Variants in EBF2 observed in about 807,000 individuals in gnomAD.
EBF2 encodes transcription factor COE2.
EBF2 carries 21 observed loss-of-function variants against 72.8 expected under a neutral mutation model. The observed-to-expected ratio is 0.29, with a 90% CI of 0.20 to 0.42. The LOEUF is 0.42. Among genes scored for constraint, EBF2 ranks in the 10% least tolerant of loss-of-function variants. The pLI, the probability that EBF2 is intolerant of heterozygous loss-of-function variation, is 1.00. For missense variants in EBF2, 637 were observed against 731.2 expected, an observed-to-expected ratio of 0.87 and a Z score of 1.49; for synonymous variants, 299 against 274.2, an observed-to-expected ratio of 1.09 and a Z score of -0.89.
intron 1 of EBF2, among the ~76,000 whole-genome samples, chr8:26,042,833 C>T (rs1805628108): frequency 6.6e-6 from 1 of 152,078 alleles, no homozygotes; most frequent in Admixed American, 6.5e-5. Context: ...GGGAGAGTAA[C>T]ACAGAGTCCA....
chr8:25,879,774 A>G (rs191682522), intron 10 of EBF2, among the ~76,000 whole-genome samples: 2 of 152,270 alleles, frequency 1.3e-5, no homozygotes, highest in African/African-American at 2.4e-5. Flanking sequence ...ATCTGGTCCT[A>G]TGGCTTTAAA....
chr8:26,040,785 T>C (rs1805586592), intron 3 of EBF2, 114 bp from the exon 4 acceptor site: 3 of 1,484,888 alleles, frequency 2.0e-6, no homozygotes, highest in Non-Finnish European at 2.7e-6. Context: ...TGAGCCGCCC[T>C]GGAGACGGTG....
chr8:26,015,713 A>G (rs932373941), intron 6 of EBF2, among the ~76,000 whole-genome samples: 2 of 152,220 alleles, frequency 1.3e-5, no homozygotes, highest in Admixed American at 1.3e-4. Context: ...CTGGTCTATA[A>G]TGAAGGTTGC....
At chr8:25,964,319 A>G (rs1054327867) in intron 6 of EBF2, among the ~76,000 whole-genome samples, 2 of 152,222 alleles carry the variant, frequency 1.3e-5, no homozygotes, top group Admixed American at 6.5e-5. Context: ...GGCAAATTGC[A>G]CACAACCAAT....
In EBF2 at chr8:25,843,460, C is replaced by G. The variant is rs1159312806; in HGVS notation, c.*1149G>C. On this transcript the variant is annotated 3_prime_UTR_variant, in exon 16 of 16. Transcript: ENST00000520164. ...TGGGGCTGTGTACCTCTGTACTGAACCAGGCACCCAAAGCGGAGGGAGTGG... is the reference window on the plus strand; with the variant it reads ...TGGGGCTGTGTACCTCTGTACTGAAGCAGGCACCCAAAGCGGAGGGAGTGG... 1 of 152,202 alleles carries G rather than the reference C, an allele frequency of 6.6e-6. No individual in the cohort carries two copies. Among genetic ancestry groups the G allele is most frequent in the African/African-American group, 2.4e-5 (1 of 41,448 alleles). The allele number at this position is 152,202 out of a possible 1,614,324, so 9.4% of individuals were successfully genotyped here.
Position 26,042,132 on chromosome 8 carries a change from T to A in EBF2, c.251A>T (p.Glu84Val). 2 of 1,612,398 alleles carry A rather than the reference T, an allele frequency of 1.2e-6. No homozygotes were observed. The highest frequency in any genetic ancestry group is 1.7e-6 in the Non-Finnish European group (2 of 1,179,398). ...CACAAAGTCCACGAAGGCCGTCCGC[T>A]CGATCTCCACCGGCTGGCCCTGCCT... ...YDRQGQPVEI[E>V]RTAFVDFVEN... The change falls in exon 2 of 16, where the codon GAG becomes GTG. Residue 84 changes from glutamate (E) to valine (V), a missense_variant. Around this residue, in one of 3 missense-constraint regions of EBF2, gnomAD observed 174 missense variants for 161.9 expected, o/e 1.07. Coordinates refer to ENST00000520164, the MANE Select transcript of EBF2 (RefSeq NM_022659.4).
Position 25,844,652 on chromosome 8 carries a change from G to A in EBF2, c.1697-12C>T, listed in dbSNP as rs370132735. 5.0e-6 allele frequency: 8 copies of A among 1,613,892 alleles called. No homozygotes were observed. Among genetic ancestry groups the A allele is most frequent in the African/African-American group, 1.3e-5 (1 of 74,934 alleles). ...AAGTCCGGTCATGGCTGCAAGGAAA[G>A]AGTGGCACAGGAATGAGACTTGGGG... is the stretch of plus-strand genomic sequence containing the variant. On this transcript the variant is annotated splice_polypyrimidine_tract_variant and intron_variant, in intron 15 of 15. Transcript: ENST00000520164.
chr8:25,931,164 C>A (rs1236205459), intron 6 of EBF2, among the ~76,000 whole-genome samples: 1 of 152,110 alleles, frequency 6.6e-6, no homozygotes, highest in Non-Finnish European at 1.5e-5. Context: ...TGAAGGGGCA[C>A]ACTATAAATT....
chr8:25,851,207 C>A (rs1801962916), intron 14 of EBF2, among the ~76,000 whole-genome samples: 1 of 148,760 alleles, frequency 6.7e-6, no homozygotes, highest in African/African-American at 2.4e-5. Flanking sequence ...TGTGCCTCCC[C>A]CATAACTCCT....
chr8:25,974,548 G>T (rs1804237609), intron 6 of EBF2, among the ~76,000 whole-genome samples: 1 of 152,152 alleles, frequency 6.6e-6, no homozygotes, highest in Non-Finnish European at 1.5e-5. Flanking sequence ...ATCTTAGTTT[G>T]AACTTTTAAT....
intron 2 of EBF2, chr8:26,041,588 A>G (rs983380163): frequency 4.3e-5 from 7 of 161,806 alleles, no homozygotes; most frequent in African/African-American, 1.7e-4. Context: ...ACTGTCCTTC[A>G]TTTGAGACCG....
chr8:25,909,830 C>T (rs911904974), intron 6 of EBF2, among the ~76,000 whole-genome samples: 17 of 152,172 alleles, frequency 1.1e-4, no homozygotes, highest in South Asian at 4.1e-4. Flanking sequence ...GTGTTTGAGG[C>T]TCTTTTACTC....
At chr8:25,955,142 A>C (rs1219369036) in intron 6 of EBF2, among the ~76,000 whole-genome samples, 2 of 151,812 alleles carry the variant, frequency 1.3e-5, no homozygotes, top group Non-Finnish European at 2.9e-5. Context: ...AGAGCATACC[A>C]CTCTAGCGCC....
At chr8:25,858,004 A>C (rs1056342530) in intron 14 of EBF2, 2 of 482,308 alleles carry the variant, frequency 4.1e-6, no homozygotes, top group Admixed American at 5.4e-5. Context: ...GAAAGTGCCT[A>C]AGAGCACACA....
chr8:25,898,338 G>A (rs184136914), intron 7 of EBF2, among the ~76,000 whole-genome samples: 82 of 152,178 alleles, frequency 5.4e-4, no homozygotes, highest in Non-Finnish European at 7.5e-4. Context: ...TGGCATAAAG[G>A]AAGTAGTATG....
intron 6 of EBF2, among the ~76,000 whole-genome samples, chr8:25,971,522 G>C (rs961060771): frequency 2.6e-5 from 4 of 152,174 alleles, no homozygotes; most frequent in African/African-American, 9.7e-5. Flanking sequence ...TGATTTATGA[G>C]CGCTAAATTA....
At chr8:25,861,515 G>T (rs1802212798) in intron 11 of EBF2, 141 bp from the exon 12 acceptor site, 2 of 815,354 alleles carry the variant, frequency 2.5e-6, no homozygotes, top group Non-Finnish European at 3.9e-6. Context: ...TATTTGGTTT[G>T]ACAGGTAGAA....
intron 5 of EBF2, among the ~76,000 whole-genome samples, chr8:26,035,333 A>G (rs532442266): frequency 1.3e-5 from 2 of 152,154 alleles, no homozygotes; most frequent in African/African-American, 4.8e-5. Flanking sequence ...TCATTTTGGT[A>G]GAGATAGGGT....
At chr8:25,976,981 G>C (rs1273864002) in intron 6 of EBF2, among the ~76,000 whole-genome samples, 1 of 152,208 alleles carries the variant, frequency 6.6e-6, no homozygotes, top group East Asian at 1.9e-4. Flanking sequence ...AATTTACCCA[G>C]CTGTAAGTGA....
Sources: gnomAD v4.1 joint callset for allele counts (sites outside exome capture counted in the v4.1 genomes callset) on GRCh38, gnomAD v4.1.1 for gene constraint, gnomAD v4.1.1 regional missense constraint, MANE v1.5 for transcripts, NCBI Gene and HGNC (gene_info 2026-07-23, HGNC 2026-07-21) for gene names.